EYS: variants seen among roughly 807,000 people sequenced by gnomAD.
EYS encodes EGF-like photoreceptor maintenance factor, also known as protein eyes shut homolog.
A neutral mutation model predicts 282.1 loss-of-function variants in EYS; 250 were observed. The ratio of observed to expected loss-of-function variants is 0.89; its 90% CI spans 0.80 to 0.98. The LOEUF is 0.98. EYS is among the 50% of genes least tolerant of loss of function. The pLI, the probability that EYS is intolerant of heterozygous loss-of-function variation, is 0.00. For synonymous variants in EYS, 1,355 were observed against 1,282.9 expected, an observed-to-expected ratio of 1.06 and a Z score of -1.20; for missense variants, 4,016 against 3,709.0, an observed-to-expected ratio of 1.08 and a Z score of -2.15.
intron 20 of EYS, among the ~76,000 whole-genome samples, chr6:64,822,259 C>T: frequency 6.6e-6 from 1 of 152,004 alleles, no homozygotes; most frequent in South Asian, 2.1e-4. Flanking sequence ...TTTTCATACA[C>T]ATAGGGCTGA....
chr6:65,242,218 A>C (rs1469713660), intron 12 of EYS, among the ~76,000 whole-genome samples: 1 of 152,080 alleles, frequency 6.6e-6, no homozygotes, highest in African/African-American at 2.4e-5. Context: ...AATTTGTGCA[A>C]CCATCATCAC....
At chr6:63,824,177 A>G (rs908548793) in intron 36 of EYS, among the ~76,000 whole-genome samples, 1 of 152,244 alleles carries the variant, frequency 6.6e-6, no homozygotes, top group Non-Finnish European at 1.5e-5. Flanking sequence ...ACCTTAAATC[A>G]TTGAGGGACA....
At chr6:64,965,953 AGTGT>A (rs35672727) in intron 14 of EYS, among the ~76,000 whole-genome samples, 372 of 147,284 alleles carry the variant, frequency 2.5e-3, no homozygotes, top group Middle Eastern at 0.014. Context: ...GAAAATTGTG[AGTGT>A]GTGTGTGTGT....
At chr6:65,156,529 G>T (rs935868968) in intron 12 of EYS, among the ~76,000 whole-genome samples, 1 of 150,868 alleles carries the variant, frequency 6.6e-6, no homozygotes, top group Non-Finnish European at 1.5e-5. Flanking sequence ...TAACAAATTT[G>T]ACCATATAAT....
intron 12 of EYS, among the ~76,000 whole-genome samples, chr6:65,215,501 A>G (rs1036922554): frequency 1.3e-5 from 2 of 152,212 alleles, no homozygotes; most frequent in Non-Finnish European, 2.9e-5. Context: ...GTTTCTTAAG[A>G]TGGAATGTAC....
intron 35 of EYS, among the ~76,000 whole-genome samples, chr6:63,944,575 G>A (rs1031159875): frequency 1.2e-4 from 18 of 152,036 alleles, no homozygotes; most frequent in African/African-American, 3.4e-4. Flanking sequence ...TATCATTTTT[G>A]TGGTGAGAAC....
At chr6:64,298,268 ATAG>A (rs1800199551) in intron 30 of EYS, among the ~76,000 whole-genome samples, 2 of 152,150 alleles carry the variant, frequency 1.3e-5, no homozygotes, top group African/African-American at 4.8e-5. Context: ...AATTGTTCTA[ATAG>A]TGTTATAACT....
chr6:65,144,868 G>T (rs185676947), intron 12 of EYS, among the ~76,000 whole-genome samples: 100 of 151,710 alleles, frequency 6.6e-4, no homozygotes, highest in African/African-American at 2.3e-3. Flanking sequence ...AGGTTCAAGC[G>T]ATTCTCCTGC....
At chr6:65,595,692 T>G (rs1765380050) in intron 2 of EYS, among the ~76,000 whole-genome samples, 1 of 151,940 alleles carries the variant, frequency 6.6e-6, no homozygotes, top group Non-Finnish European at 1.5e-5. Flanking sequence ...GTTTATCTCT[T>G]TGGGAAATGT....
chr6:64,396,081 C>T (rs1017632238), intron 28 of EYS, among the ~76,000 whole-genome samples: 1 of 152,114 alleles, frequency 6.6e-6, no homozygotes, highest in African/African-American at 2.4e-5. Context: ...CACAGACACA[C>T]ACGCACACAC....
chr6:64,754,527 C>T (rs942855422), intron 22 of EYS, among the ~76,000 whole-genome samples: 6 of 151,598 alleles, frequency 4.0e-5, no homozygotes, highest in African/African-American at 7.3e-5. Context: ...GACAAGTACA[C>T]AACAAAAAAA....
intron 12 of EYS, among the ~76,000 whole-genome samples, chr6:65,213,571 C>G (rs140735972): frequency 1.3e-3 from 191 of 152,200 alleles, no homozygotes; most frequent in African/African-American, 4.3e-3. Flanking sequence ...TTATGATGCT[C>G]TGTGTTCAGC....
intron 31 of EYS, among the ~76,000 whole-genome samples, chr6:64,155,869 G>A (rs976903344): frequency 5.3e-5 from 8 of 151,790 alleles, no homozygotes; most frequent in African/African-American, 1.9e-4. Flanking sequence ...TGCCTTACTT[G>A]CCACACTGTA....
At chr6:65,389,129 AAC>A (rs1420221012) in intron 7 of EYS, among the ~76,000 whole-genome samples, 14 of 152,162 alleles carry the variant, frequency 9.2e-5, no homozygotes, top group African/African-American at 3.4e-4. Flanking sequence ...CTTTCAAAAC[AAC>A]AGTCACACAA....
rs1412045394 is a variant in EYS at position 64,759,091 on chromosome 6, A to T, written c.3443+54287T>A. ...GAGGCGAAGCTTGCAGTGAGAAGAG[A>T]TCACTCCACTGCACTCCAACCTGGG... On this transcript the variant is annotated intron_variant, in intron 22 of 42. Coordinates refer to ENST00000503581, the MANE Select transcript of EYS (RefSeq NM_001142800.2). Among the ~76,000 whole-genome samples, 3 of 152,158 alleles carry T rather than the reference A, an allele frequency of 2.0e-5. No individual in the cohort carries two copies. The South Asian group carries it at 6.2e-4, about 31-fold the overall frequency.
chr6:65,091,376 C>A (rs1025916401), intron 12 of EYS, among the ~76,000 whole-genome samples: 1 of 149,644 alleles, frequency 6.7e-6, no homozygotes, highest in Non-Finnish European at 1.5e-5. Flanking sequence ...TTTGAATTTG[C>A]GGGGCAGAGG....
intron 35 of EYS, among the ~76,000 whole-genome samples, chr6:63,909,296 C>T (rs535722919): frequency 6.6e-6 from 1 of 152,284 alleles, no homozygotes; most frequent in East Asian, 1.9e-4. Flanking sequence ...TCTGTGTTTT[C>T]TTCCAATTGA....
At chr6:64,419,183 C>T (rs1407498787) in intron 28 of EYS, among the ~76,000 whole-genome samples, 1 of 152,048 alleles carries the variant, frequency 6.6e-6, no homozygotes, top group East Asian at 1.9e-4. Flanking sequence ...AAGAGATACC[C>T]AAGACTGGGT....
chr6:64,690,722 C>T (rs181010102), intron 22 of EYS, among the ~76,000 whole-genome samples: 13 of 152,040 alleles, frequency 8.6e-5, no homozygotes, highest in South Asian at 2.1e-4. Flanking sequence ...AGCATACTCG[C>T]GCAAGGACAG....
Sources: allele counts gnomAD v4.1 joint callset (sites outside exome capture counted in the v4.1 genomes callset), GRCh38; gene constraint gnomAD v4.1.1; transcripts MANE v1.5; gene names NCBI Gene and HGNC (gene_info 2026-07-23, HGNC 2026-07-21).